Variants in CNTN4 observed in about 807,000 individuals in gnomAD.
CNTN4 encodes the protein contactin-4.
In CNTN4, 77 loss-of-function variants were observed where a neutral mutation model predicts 122.5. That is an observed-to-expected ratio of 0.63 (90% CI 0.52 to 0.76). CNTN4 has a LOEUF of 0.76. Among genes scored for constraint, CNTN4 ranks in the 30% least tolerant of loss-of-function variants. CNTN4 has a pLI of 0.00. For synonymous variants in CNTN4, 512 were observed against 447.0 expected (o/e 1.15, Z -1.83); for missense variants, 1,256 against 1,259.1 (o/e 1.00, Z 0.04).
intron 4 of CNTN4, among the ~76,000 whole-genome samples, chr3:2,596,615 C>T (rs1475871944): frequency 6.6e-6 from 1 of 151,872 alleles, no homozygotes; most frequent in Non-Finnish European, 1.5e-5. Context: ...TGCACACCAT[C>T]CCTTAGGAGT....
chr3:2,789,710 C>T (rs966006686), intron 6 of CNTN4, among the ~76,000 whole-genome samples: 2 of 152,112 alleles, frequency 1.3e-5, no homozygotes, highest in Admixed American at 6.6e-5. Flanking sequence ...TGATGGCAGG[C>T]GTGAGCCATT....
chr3:2,469,953 A>C (rs2075628629), intron 3 of CNTN4, among the ~76,000 whole-genome samples: 1 of 152,228 alleles, frequency 6.6e-6, no homozygotes, highest in Admixed American at 6.5e-5. Context: ...TTGACTAAAA[A>C]TCTTTTAAAG....
chr3:2,603,779 A>G (rs1327140483), intron 4 of CNTN4, among the ~76,000 whole-genome samples: 1 of 152,236 alleles, frequency 6.6e-6, no homozygotes, highest in Non-Finnish European at 1.5e-5. Flanking sequence ...GAAAGAAAAC[A>G]GATGTGTGTT....
chr3:2,244,497 G>C (rs891887821), intron 2 of CNTN4, among the ~76,000 whole-genome samples: 13 of 151,870 alleles, frequency 8.6e-5, no homozygotes, highest in African/African-American at 2.9e-4. Context: ...CAGAAGATAA[G>C]TACAAAAAAA....
chr3:2,979,723 TTTTG>T (rs1341642802), intron 13 of CNTN4, among the ~76,000 whole-genome samples: 21 of 152,272 alleles, frequency 1.4e-4, no homozygotes, highest in Admixed American at 4.6e-4. Flanking sequence ...TTTTTGTGTA[TTTTG>T]TTTGTTTGTT....
At chr3:2,534,274 A>C (rs1261091080) in intron 3 of CNTN4, among the ~76,000 whole-genome samples, 1 of 152,118 alleles carries the variant, frequency 6.6e-6, no homozygotes, top group Non-Finnish European at 1.5e-5. Context: ...TCTTGAATTA[A>C]TTTTTGTATA....
chr3:2,888,499 C>T (rs1040059262), intron 10 of CNTN4, among the ~76,000 whole-genome samples: 4 of 152,076 alleles, frequency 2.6e-5, no homozygotes, highest in African/African-American at 4.8e-5. Context: ...CTCTGGTCTA[C>T]CTTTTGACAT....
intron 13 of CNTN4, among the ~76,000 whole-genome samples, chr3:2,966,434 C>T (rs1215748641): frequency 6.6e-6 from 1 of 151,916 alleles, no homozygotes; most frequent in Non-Finnish European, 1.5e-5. Context: ...AAAATTAAAA[C>T]AATTGAACTC....
At chr3:2,833,153 A>C (rs1467387118) in intron 7 of CNTN4, among the ~76,000 whole-genome samples, 1 of 152,236 alleles carries the variant, frequency 6.6e-6, no homozygotes, top group Non-Finnish European at 1.5e-5. Context: ...ATGCATCTCC[A>C]CTGTGCTTTT....
chr3:2,529,051 T>G (rs549175422), intron 3 of CNTN4, among the ~76,000 whole-genome samples: 2 of 152,246 alleles, frequency 1.3e-5, no homozygotes, highest in East Asian at 1.9e-4. Context: ...ACAACTGATT[T>G]ATCCTATCTG....
intron 7 of CNTN4, among the ~76,000 whole-genome samples, chr3:2,840,636 T>C (rs569321762): frequency 7.3e-5 from 10 of 136,188 alleles, no homozygotes; most frequent in Non-Finnish European, 1.3e-4. Flanking sequence ...GAGGCGGAGC[T>C]TGCAGTGAGC....
chr3:2,697,250 G>A (rs1258765186), intron 4 of CNTN4, among the ~76,000 whole-genome samples: 2 of 152,248 alleles, frequency 1.3e-5, no homozygotes, highest in Non-Finnish European at 2.9e-5. Context: ...GCTAAGTGCT[G>A]TGGGCTGTGT....
rs1575327474 is a variant in CNTN4 at position 2,305,936 on chromosome 3, T to A, written c.-144-33242T>A. Among the ~76,000 whole-genome samples the A allele has an allele frequency of 2.0e-5, 3 of 152,188 alleles. No homozygotes were observed. The East Asian group carries it at 5.8e-4, about 29-fold the overall frequency. The stretch of plus-strand genomic sequence containing the variant: ...TTTCAGTTAGCATGACGTTTTAAAA[T>A]TAATCCATGTTATAGCATGTATCAG... On this transcript the variant is annotated intron_variant, in intron 2 of 24. Transcript: ENST00000418658.
At chr3:2,216,851 T>A (rs1396050526) in intron 2 of CNTN4, among the ~76,000 whole-genome samples, 2 of 152,192 alleles carry the variant, frequency 1.3e-5, no homozygotes, top group African/African-American at 2.4e-5. Flanking sequence ...CTTATCAACT[T>A]TTCTTGAACA....
intron 5 of CNTN4, among the ~76,000 whole-genome samples, chr3:2,740,556 GTAA>G (rs1423897873): frequency 2.6e-5 from 4 of 152,122 alleles, no homozygotes; most frequent in Non-Finnish European, 5.9e-5. Context: ...GACTTCTAAA[GTAA>G]TAATATCACT....
rs1487561720 is a variant in CNTN4 at position 2,791,609 on chromosome 3, A to C, written c.359-27877A>C. Among the ~76,000 whole-genome samples the C allele has an allele frequency of 3.3e-5, 5 of 152,148 alleles. No individual in the cohort carries two copies. In the South Asian group the frequency reaches 8.3e-4, roughly 25 times the overall value. On this transcript the variant is annotated intron_variant, in intron 6 of 24. Coordinates refer to ENST00000418658, the MANE Select transcript of CNTN4 (RefSeq NM_175607.3). ...TCACCCAAGTTCATGGACAAGAAGA[A>C]TGCAAACCTGATGCCTGATGTATTA...
intron 4 of CNTN4, among the ~76,000 whole-genome samples, chr3:2,653,323 GTAA>G (rs2083448134): frequency 6.6e-6 from 1 of 151,980 alleles, no homozygotes; most frequent in African/African-American, 2.4e-5. Flanking sequence ...AGTTTCTTAA[GTAA>G]TTGTTCATTT....
rs555213318 is a variant in CNTN4, at chr3:2,995,254, G to A, written c.1486+6782G>A. On this transcript the variant is annotated intron_variant, in intron 14 of 24. Transcript: ENST00000418658. ...TGTTCTTCCTGTGTTCACAAAGCGT[G>A]TGACATAACCTGGAAATCTGATGAA... Among the ~76,000 whole-genome samples, 1,006 of 147,230 alleles carry A rather than the reference G, an allele frequency of 6.8e-3. 11 individuals carry two copies. Among genetic ancestry groups the A allele is most frequent in the African/African-American group, 0.025 (922 of 36,904 alleles).
intron 8 of CNTN4, among the ~76,000 whole-genome samples, chr3:2,871,509 C>G (rs2093784010): frequency 6.6e-6 from 1 of 151,920 alleles, no homozygotes; most frequent in Non-Finnish European, 1.5e-5. Context: ...TTTTGCTTGT[C>G]ATTATTTTTC....
Sources: allele counts gnomAD v4.1 joint callset (sites outside exome capture counted in the v4.1 genomes callset), GRCh38; gene constraint gnomAD v4.1.1; transcripts MANE v1.5; gene names NCBI Gene and HGNC (gene_info 2026-07-23, HGNC 2026-07-21).